SLC2A13: variants seen among roughly 807,000 people sequenced by gnomAD.
The protein encoded by SLC2A13 is proton myo-inositol cotransporter.
SLC2A13 carries 32 observed loss-of-function variants against 64.4 expected under a neutral mutation model. The observed-to-expected ratio is 0.50, with a 90% CI of 0.37 to 0.67. The LOEUF is 0.67. Ranked by LOEUF, SLC2A13 falls within the 30% of genes least tolerant of loss-of-function variation. SLC2A13 has a pLI of 0.00. For missense variants in SLC2A13, 743 were observed against 829.2 expected (o/e 0.90, Z 1.28); for synonymous variants, 338 against 327.1 (o/e 1.03, Z -0.36).
chr12:39,814,522 T>A (rs1351761652), intron 7 of SLC2A13, among the ~76,000 whole-genome samples: 2 of 152,088 alleles, frequency 1.3e-5, no homozygotes, highest in East Asian at 3.9e-4. Context: ...TTAACAAAAA[T>A]TAATAGATAA....
At chr12:39,950,351 A>G (rs2136099957) in intron 4 of SLC2A13, 1 of 152,242 alleles carries the variant, frequency 6.6e-6, no homozygotes, top group African/African-American at 2.4e-5. Flanking sequence ...ATAGGCAGGG[A>G]GTGGGGAGGA....
At chr12:40,034,911 T>A (rs536954504) in intron 2 of SLC2A13, among the ~76,000 whole-genome samples, 8 of 152,188 alleles carry the variant, frequency 5.3e-5, no homozygotes, top group African/African-American at 1.7e-4. Flanking sequence ...TGAATGTATG[T>A]TAAATGCCAA....
At chr12:39,999,088 C>G (rs917562816) in intron 3 of SLC2A13, among the ~76,000 whole-genome samples, 2 of 152,144 alleles carry the variant, frequency 1.3e-5, no homozygotes. Context: ...ATTTCTTAGG[C>G]CTGTCTTACT....
At chr12:39,923,709 C>CACACAA (rs1945663330) in intron 4 of SLC2A13, among the ~76,000 whole-genome samples, 1 of 151,334 alleles carries the variant, frequency 6.6e-6, no homozygotes, top group Admixed American at 6.6e-5. Flanking sequence ...CACACACACA[C>CACACAA]ACACACACAC....
chr12:40,051,766 C>T (rs1339960988), intron 1 of SLC2A13, among the ~76,000 whole-genome samples: 1 of 152,116 alleles, frequency 6.6e-6, no homozygotes, highest in Non-Finnish European at 1.5e-5. Flanking sequence ...TGGCGGACTA[C>T]TTTTAGAGAA....
intron 3 of SLC2A13, among the ~76,000 whole-genome samples, chr12:39,977,161 ATAGAT>A (rs1946776050): frequency 6.6e-6 from 1 of 152,210 alleles, no homozygotes; most frequent in African/African-American, 2.4e-5. Flanking sequence ...CAAGCTCTAT[ATAGAT>A]TAATCTGCAG....
intron 1 of SLC2A13, among the ~76,000 whole-genome samples, chr12:40,073,343 G>A (rs1023162008): frequency 6.6e-6 from 1 of 152,008 alleles, no homozygotes; most frequent in Non-Finnish European, 1.5e-5. Flanking sequence ...GGGGGGAAAT[G>A]AACCATAAAC....
chr12:40,103,690 G>C (rs1939214056), intron 1 of SLC2A13, among the ~76,000 whole-genome samples: 1 of 152,130 alleles, frequency 6.6e-6, no homozygotes, highest in African/African-American at 2.4e-5. Flanking sequence ...AACAATTCTT[G>C]CTACCTAAAA....
At chr12:39,764,311 G>C in intron 9 of SLC2A13, 149 bp downstream of exon 9, 1 of 649,022 alleles carries the variant, frequency 1.5e-6, no homozygotes, top group Non-Finnish European at 2.4e-6. Context: ...ACACATTTCC[G>C]ATGCCTTTGG....
intron 7 of SLC2A13, among the ~76,000 whole-genome samples, chr12:39,803,329 A>C (rs2135789882): frequency 6.6e-6 from 1 of 152,312 alleles, no homozygotes; most frequent in East Asian, 1.9e-4. Flanking sequence ...ATGAGGAAAC[A>C]ATCTACCGTG....
chr12:40,084,237 A>C (rs1565620726), intron 1 of SLC2A13, among the ~76,000 whole-genome samples: 1 of 152,262 alleles, frequency 6.6e-6, no homozygotes, highest in Non-Finnish European at 1.5e-5. Context: ...CTTTCTTCTT[A>C]CAAATACTTC....
At chr12:39,947,429 C>T (rs1411828130) in intron 4 of SLC2A13, among the ~76,000 whole-genome samples, 1 of 152,124 alleles carries the variant, frequency 6.6e-6, no homozygotes, top group African/African-American at 2.4e-5. Context: ...CTTCAAGTTC[C>T]CCAAAAAAGA....
chr12:39,777,405 C>A (rs1940814409), intron 7 of SLC2A13, among the ~76,000 whole-genome samples: 1 of 152,082 alleles, frequency 6.6e-6, no homozygotes, highest in South Asian at 2.1e-4. Context: ...AGAAGTGATA[C>A]AGAAGGGAAG....
At chr12:39,799,430 A>G (rs1038033720) in intron 7 of SLC2A13, among the ~76,000 whole-genome samples, 2 of 132,798 alleles carry the variant, frequency 1.5e-5, no homozygotes, top group Non-Finnish European at 3.3e-5. Context: ...TTTAATCTCA[A>G]CCATTAGGAT....
intron 4 of SLC2A13, among the ~76,000 whole-genome samples, chr12:39,949,338 T>C (rs1240497885): frequency 1.3e-5 from 2 of 152,210 alleles, no homozygotes; most frequent in Non-Finnish European, 2.9e-5. Context: ...ATTCTTCCTG[T>C]TTTCCAGGAT....
At chr12:39,961,523 G>C (rs372039793) in intron 3 of SLC2A13, among the ~76,000 whole-genome samples, 1 of 152,078 alleles carries the variant, frequency 6.6e-6, no homozygotes, top group Non-Finnish European at 1.5e-5. Flanking sequence ...GTTTATGACA[G>C]GGTCTCACTC....
intron 6 of SLC2A13, among the ~76,000 whole-genome samples, chr12:39,830,846 T>A (rs968156015): frequency 1.3e-5 from 2 of 152,144 alleles, no homozygotes; most frequent in African/African-American, 4.8e-5. Context: ...TATTCTGAAT[T>A]TAAAAGAAGT....
intron 6 of SLC2A13, among the ~76,000 whole-genome samples, chr12:39,853,593 CCTTT>C (rs1943526335): frequency 6.6e-6 from 1 of 150,488 alleles, no homozygotes; most frequent in Admixed American, 6.6e-5. Flanking sequence ...TTCCTTCCTT[CCTTT>C]TCTTTCTTTC....
chr12:39,986,475 A>G (rs752153139), intron 3 of SLC2A13, among the ~76,000 whole-genome samples: 4 of 152,020 alleles, frequency 2.6e-5, no homozygotes, highest in South Asian at 2.1e-4. Flanking sequence ...TTTAAGTTCA[A>G]TCTGTTGCAG....
Sources: gnomAD v4.1 joint callset for allele counts (sites outside exome capture counted in the v4.1 genomes callset) on GRCh38, gnomAD v4.1.1 for gene constraint, MANE v1.5 for transcripts, NCBI Gene and HGNC (gene_info 2026-07-23, HGNC 2026-07-21) for gene names.